YTHDC1: variants seen among roughly 807,000 people sequenced by gnomAD.
The protein encoded by YTHDC1 is YTH domain-containing protein 1.
In YTHDC1, 12 loss-of-function variants were observed where a neutral mutation model predicts 107.0. The ratio of observed to expected loss-of-function variants is 0.11; its 90% CI spans 0.07 to 0.18. The LOEUF is 0.18. YTHDC1 is among the 10% of genes least tolerant of loss of function. YTHDC1 has a pLI of 1.00. For synonymous variants in YTHDC1, 280 were observed against 289.5 expected (o/e 0.97, Z 0.33); for missense variants, 635 against 898.8 (o/e 0.71, Z 3.75).
intron 6 of YTHDC1, 73 bp from the exon 7 acceptor site, chr4:68,332,270 T>C: frequency 1.0e-6 from 1 of 965,542 alleles, no homozygotes; most frequent in Non-Finnish European, 1.5e-6. Context: ...CTGTACTAAC[T>C]GAAATTAGCC....
At chr4:68,318,408 A>G (rs1722094492) in intron 15 of YTHDC1, 111 bp downstream of exon 15, 2 of 1,116,128 alleles carry the variant, frequency 1.8e-6, no homozygotes, top group Non-Finnish European at 2.5e-6. Context: ...GCGCCTGGCC[A>G]GTTTAAGTCT....
Position 68,332,083 on chromosome 4 carries a change from A to T in YTHDC1, c.1122+20T>A. The stretch of plus-strand genomic sequence containing the variant: ...AAAATTTTGATATTAGGATAGTTTC[A>T]ACAGAACTGATGCTAATACCTTCGC... On this transcript the variant is annotated intron_variant, in intron 7 of 16. Coordinates refer to ENST00000344157, the MANE Select transcript of YTHDC1 (RefSeq NM_001031732.4). 6.6e-7 allele frequency: 1 copy of T among 1,522,750 alleles called. No homozygotes were observed. Among genetic ancestry groups the T allele is most frequent in the Non-Finnish European group, 8.9e-7 (1 of 1,118,184 alleles). The allele number at this position is 1,522,750 out of a possible 1,614,324, so 94.3% of individuals were successfully genotyped here. A position where few individuals can be genotyped will look rare whatever the true frequency, so the allele number is the denominator to read the frequency against.
chr4:68,336,022 GTATAGA>G lies in YTHDC1; in HGVS notation c.883+999_883+1004del, dbSNP rs1221052791. The stretch of plus-strand genomic sequence containing the variant: ...ATAAATATATAGTATAAAATATATA[GTATAGA>G]TATATACTATCTGTATATAGTATAG... On this transcript the variant is annotated intron_variant, in intron 4 of 16. Transcript: ENST00000344157. Among the ~76,000 whole-genome samples, 10 of 145,798 alleles carry G rather than the reference GTATAGA, an allele frequency of 6.9e-5. No homozygotes were observed. The East Asian group carries it at 2.1e-3, about 31-fold the overall frequency.
At chr4:68,318,490 G>A (rs181116955) in intron 15 of YTHDC1, 29 bp downstream of exon 15, 659 of 1,563,154 alleles carry the variant, frequency 4.2e-4, no homozygotes, top group Non-Finnish European at 5.2e-4. Context: ...ATTAAGTTAT[G>A]TAACTTATAA....
rs547006151 is a variant in YTHDC1 at position 68,344,954 on chromosome 4, C to G, written c.28+4772G>C. The stretch of plus-strand genomic sequence containing the variant: ...GCTGAAGTGGGAGAATCACCAGAGT[C>G]TGGGAGGTCGCGGCTGCAGTGAGCC... On this transcript the variant is annotated intron_variant, in intron 1 of 16. Coordinates refer to ENST00000344157, the MANE Select transcript of YTHDC1 (RefSeq NM_001031732.4). Among the ~76,000 whole-genome samples, 5 of 152,286 alleles carry G rather than the reference C, an allele frequency of 3.3e-5. No homozygotes were observed. The South Asian group carries it at 8.3e-4, about 25-fold the overall frequency.
intron 4 of YTHDC1, among the ~76,000 whole-genome samples, chr4:68,334,751 C>T (rs914133834): frequency 3.9e-5 from 6 of 152,066 alleles, no homozygotes; most frequent in African/African-American, 1.4e-4. Context: ...GGGCCTGGTG[C>T]AGTTGCTCGT....
In YTHDC1 at chr4:68,349,904, C is replaced by T; in HGVS notation, c.-151G>A. The stretch of plus-strand genomic sequence containing the variant: ...ACTTGGCCTCTTAACACTCAGCCTT[C>T]TCGACTCTTCCCGCTTTTTCCCTTT... On this transcript the variant is annotated 5_prime_UTR_variant, in exon 1 of 17. Transcript: ENST00000344157. 9.8e-7 allele frequency: 1 copy of T among 1,015,980 alleles called. No individual in the cohort carries two copies. Among genetic ancestry groups the T allele is most frequent in the Non-Finnish European group, 1.5e-6 (1 of 677,108 alleles). 62.9% of individuals were successfully genotyped at this position (1,015,980 alleles called of 1,614,324 possible).
At chr4:68,339,373 A>G (rs1724567906) in intron 1 of YTHDC1, among the ~76,000 whole-genome samples, 1 of 152,244 alleles carries the variant, frequency 6.6e-6, no homozygotes, top group South Asian at 2.1e-4. Context: ...AAGCAGACCT[A>G]GAGAGGCATG....
At position 68,314,287 on chromosome 4, in the gene YTHDC1, G is replaced by A; in HGVS notation, c.1996C>T (p.Arg666Cys). ...CGGCCACTGACAACAGCTTGTGTGC[G>A]ACGAAGGAAATCATCCACCCTCATA... is the stretch of plus-strand genomic sequence containing the variant. ...YDMRVDDFLR[R>C]TQAVVSGRRS... Residue 666 changes from arginine to cysteine, a missense_variant, in exon 17 of 17, where the codon CGC becomes TGC. Physicochemically the swap from Arg to Cys is radical, Grantham distance 180. Around this residue, in one of 5 missense-constraint regions of YTHDC1, gnomAD observed 256 missense variants for 372.9 expected, o/e 0.69. Transcript: ENST00000344157. 6.2e-7 allele frequency: 1 copy of A among 1,613,854 alleles called. No individual in the cohort carries two copies. The highest frequency in any genetic ancestry group is 8.5e-7 in the Non-Finnish European group (1 of 1,179,990).
Position 68,337,091 on chromosome 4 carries a change from A to T in YTHDC1, c.819T>A (p.Ser273=). Residue 273 remains serine (S), a synonymous_variant, in exon 4 of 17, where the codon TCT becomes TCA. Coordinates refer to ENST00000344157, the MANE Select transcript of YTHDC1 (RefSeq NM_001031732.4). ...DYDTRSEASD[S]GSESVSFTDG... ...CTGTGAAGGAAACAGATTCAGAACC[A>T]GAGTCACTGGCCTCACTTCGAGTGT... 1 of 1,614,106 alleles carries T rather than the reference A, an allele frequency of 6.2e-7. No individual in the cohort carries two copies. The highest frequency in any genetic ancestry group is 8.5e-7 in the Non-Finnish European group (1 of 1,179,990).
chr4:68,343,483 T>G (rs1342182544), intron 1 of YTHDC1, among the ~76,000 whole-genome samples: 2 of 144,650 alleles, frequency 1.4e-5, no homozygotes, highest in Non-Finnish European at 3.0e-5. Context: ...ATTATAGGCA[T>G]GAGCCACCGT....
chr4:68,314,310 A>T lies in YTHDC1; in HGVS notation c.1973T>A (p.Met658Lys), dbSNP rs1383171561. 1 of 1,614,018 alleles carries T rather than the reference A, an allele frequency of 6.2e-7. No homozygotes were observed. Among genetic ancestry groups the T allele is most frequent in the Non-Finnish European group, 8.5e-7 (1 of 1,179,998 alleles). Residue 658 changes from methionine (M) to lysine (K), a missense_variant, in exon 17 of 17, where the codon ATG (methionine) becomes AAG (lysine). Transcript: ENST00000344157. ...YRDKRVHDYD[M>K]RVDDFLRRTQ... is the part of the protein sequence containing the mutation. ...GCGACGAAGGAAATCATCCACCCTC[A>T]TATCATAATCATGCTAGAAAAGGAA...
chr4:68,324,488 T>G (rs571269637), intron 9 of YTHDC1, among the ~76,000 whole-genome samples: 1 of 152,344 alleles, frequency 6.6e-6, no homozygotes, highest in South Asian at 2.1e-4. Flanking sequence ...TCTCTGAGCC[T>G]GAATCTATTT....
rs548927284 is a variant in YTHDC1, at chr4:68,337,178, CTCCTCCTCCTCCTCT to C, written c.717_731del (p.Glu245_Glu249del). The C allele has an allele frequency of 4.1e-4, 661 of 1,606,810 alleles. 1 individual carries two copies. The highest frequency in any genetic ancestry group is 6.6e-4 in the Middle Eastern group (4 of 6,056). On this transcript the variant is annotated inframe_deletion, in exon 4 of 17. Transcript: ENST00000344157. ...CCTGTTCATATTCTTCTTCTTCCTCCTCCTCCTCCTCCTCTTCCTCCTCCTCCTCTTCCTCCTCCT... is the reference window on the plus strand; with the variant it reads ...CCTGTTCATATTCTTCTTCTTCCTCCTCCTCCTCCTCCTCTTCCTCCTCCT...
chr4:68,318,847 G>C lies in YTHDC1; in HGVS notation c.1700C>G (p.Pro567Arg). The stretch of plus-strand genomic sequence containing the variant: ...TTACCTGTCCACTTCCTGGTATCGT[G>C]GATCCTTTAAATACCCTGTTCAAAC... The part of the protein sequence containing the change: ...FHQRPGYLKD[P>R]RYQEVDRRFS... Residue 567 changes from proline (P) to arginine (R), a missense_variant, in exon 13 of 17, where the codon CCA (proline) becomes CGA (arginine). Transcript: ENST00000344157. 6.2e-7 allele frequency: 1 copy of C among 1,614,008 alleles called. No homozygotes were observed. Among genetic ancestry groups the C allele is most frequent in the Non-Finnish European group, 8.5e-7 (1 of 1,179,974 alleles).
chr4:68,332,592 A>C (rs1293394657), intron 6 of YTHDC1, among the ~76,000 whole-genome samples: 1 of 151,994 alleles, frequency 6.6e-6, no homozygotes, highest in Non-Finnish European at 1.5e-5. Flanking sequence ...AAAAACTAAA[A>C]TATCCTGAAA....
intron 1 of YTHDC1, among the ~76,000 whole-genome samples, chr4:68,347,729 G>A (rs1003202024): frequency 2.0e-5 from 3 of 152,154 alleles, no homozygotes; most frequent in African/African-American, 7.2e-5. Context: ...CCTGTTTCAT[G>A]TAAGACAATA....
Position 68,337,010 on chromosome 4 carries a change from C to A in YTHDC1, c.883+17G>T. On this transcript the variant is annotated intron_variant, in intron 4 of 16. Transcript: ENST00000344157. The stretch of plus-strand genomic sequence containing the variant: ...AAGCTTTTTTTAAGACAAACTTTTA[C>A]ATATAAAAAGTAGTACCTGATCCAT... The A allele has an allele frequency of 1.3e-6, 2 of 1,553,034 alleles. No individual in the cohort carries two copies. Among genetic ancestry groups the A allele is most frequent in the Non-Finnish European group, 1.7e-6 (2 of 1,151,264 alleles).
At chr4:68,340,559 T>TA (rs888374151) in intron 1 of YTHDC1, among the ~76,000 whole-genome samples, 13 of 151,666 alleles carry the variant, frequency 8.6e-5, no homozygotes, top group African/African-American at 1.2e-4. Context: ...CTCTAAATTA[T>TA]AAAAAAAATA....
Sources: gnomAD v4.1 joint callset for allele counts (sites outside exome capture counted in the v4.1 genomes callset) on GRCh38, gnomAD v4.1.1 for gene constraint, gnomAD v4.1.1 regional missense constraint, MANE v1.5 for transcripts, NCBI Gene and HGNC (gene_info 2026-07-23, HGNC 2026-07-21) for gene names.